APOBEC1: variants seen among roughly 807,000 people sequenced by gnomAD.
The protein encoded by APOBEC1 is C->U-editing enzyme APOBEC-1.
APOBEC1 carries 22 observed loss-of-function variants against 26.3 expected under a neutral mutation model. The ratio of observed to expected loss-of-function variants is 0.84; its 90% CI spans 0.60 to 1.19. The LOEUF (loss-of-function observed/expected upper bound fraction) is 1.19, where lower values mean the gene tolerates loss of function less well. Among genes scored for constraint, APOBEC1 ranks in the 50% most tolerant of loss-of-function variants. The probability of loss-of-function intolerance (pLI) is 0.00; values close to 1 mark genes in which losing one functional copy is unlikely to be tolerated. For missense variants in APOBEC1, 253 were observed against 289.0 expected (o/e 0.88, Z 0.90); for synonymous variants, 77 against 95.3 (o/e 0.81, Z 1.12).
chr12:7,650,984 T>G, intron 4 of APOBEC1, 39 bp downstream of exon 4: 1 of 1,436,618 alleles, frequency 7.0e-7, no homozygotes, highest in Non-Finnish European at 9.7e-7. Flanking sequence ...GAAGGATGCT[T>G]CTTTTTGCAT....
chr12:7,652,336 C>A, intron 3 of APOBEC1, 102 bp downstream of exon 3: 1 of 1,104,778 alleles, frequency 9.1e-7, no homozygotes, highest in Non-Finnish European at 1.3e-6. Context: ...ACTTTTACTT[C>A]TGAGACTTCC....
At chr12:7,665,298 C>CT (rs1044014913) in intron 1 of APOBEC1, among the ~76,000 whole-genome samples, 11 of 151,600 alleles carry the variant, frequency 7.3e-5, no homozygotes, top group Non-Finnish European at 1.3e-4. Flanking sequence ...TTTTACTTAA[C>CT]TTTTTTTTTA....
At chr12:7,669,760 G>C (rs1863931552), upstream of APOBEC1, among the ~76,000 whole-genome samples, 2 of 151,838 alleles carry the variant, frequency 1.3e-5, no homozygotes, top group African/African-American at 4.8e-5. Flanking sequence ...ATTTTCATCA[G>C]GTGTATAAGA....
upstream of APOBEC1, among the ~76,000 whole-genome samples, chr12:7,668,819 C>G (rs955469339): frequency 1.3e-5 from 2 of 152,112 alleles, no homozygotes; most frequent in African/African-American, 2.4e-5. Flanking sequence ...GCCTCAGCCC[C>G]CCGGGTTCAA....
chr12:7,666,584 C>T (rs952321834), upstream of APOBEC1, among the ~76,000 whole-genome samples: 5 of 151,992 alleles, frequency 3.3e-5, no homozygotes, highest in Admixed American at 6.6e-5. Context: ...CATGAGCCAC[C>T]GTGCCTAGCC....
intron 1 of APOBEC1, among the ~76,000 whole-genome samples, chr12:7,657,703 G>A (rs1015102): frequency 0.22 from 33,270 of 151,776 alleles, 3,762 homozygotes; most frequent in Middle Eastern, 0.27. Flanking sequence ...GGAAATTTCC[G>A]TCTCTACAAA....
chr12:7,651,063 C>G lies in APOBEC1; in HGVS notation c.521G>C (p.Trp174Ser). 6.2e-7 allele frequency: 1 copy of G among 1,614,142 alleles called. No individual in the cohort carries two copies. The highest frequency in any genetic ancestry group is 8.5e-7 in the Non-Finnish European group (1 of 1,179,986). The change falls in exon 4 of 5, where the codon TGG (tryptophan) becomes TCG (serine). Residue 174 changes from tryptophan (W) to serine (S), a missense_variant. Transcript: ENST00000229304. ...EAHWPQYPPLWMMLYALELHC... is the reference protein window; with the variant it reads ...EAHWPQYPPLSMMLYALELHC... ...CAGCTCCAGTGCGTACAACATCATC[C>G]ACAGAGGTGGGTATTGTGGCCAGTG... is the stretch of plus-strand genomic sequence containing the variant.
chr12:7,668,817 C>A (rs989042895), upstream of APOBEC1, among the ~76,000 whole-genome samples: 3 of 152,046 alleles, frequency 2.0e-5, no homozygotes, highest in African/African-American at 7.2e-5. Context: ...TAGCCTCAGC[C>A]CCCCGGGTTC....
At chr12:7,654,359 A>G (rs1432355723) in intron 2 of APOBEC1, among the ~76,000 whole-genome samples, 2 of 142,140 alleles carry the variant, frequency 1.4e-5, no homozygotes, top group Non-Finnish European at 3.0e-5. Context: ...AAAGAAAGCT[A>G]TATCCACAGT....
intron 1 of APOBEC1, among the ~76,000 whole-genome samples, chr12:7,664,552 A>C (rs1418750811): frequency 6.6e-6 from 1 of 152,152 alleles, no homozygotes; most frequent in Non-Finnish European, 1.5e-5. Flanking sequence ...GTCTCTATAA[A>C]AGCTTTTAAA....
upstream of APOBEC1, among the ~76,000 whole-genome samples, chr12:7,669,655 C>T (rs991175754): frequency 3.9e-5 from 6 of 152,240 alleles, no homozygotes; most frequent in Admixed American, 3.9e-4. Flanking sequence ...ATCCTCCTGC[C>T]TTGGCCTCCC....
chr12:7,666,051 A>G (rs2136860518), upstream of APOBEC1: 1 of 709,804 alleles, frequency 1.4e-6, no homozygotes, highest in South Asian at 1.5e-5. Flanking sequence ...ACTGAGAGGG[A>G]CATTATCGTG....
upstream of APOBEC1, among the ~76,000 whole-genome samples, chr12:7,667,858 G>A (rs188628019): frequency 1.3e-3 from 192 of 143,546 alleles, 2 homozygotes; most frequent in African/African-American, 4.9e-3. Flanking sequence ...TTTGCAGTTA[G>A]CCGAGATCTC....
intron 1 of APOBEC1, among the ~76,000 whole-genome samples, chr12:7,662,353 C>T (rs184856557): frequency 7.9e-5 from 12 of 152,064 alleles, no homozygotes; most frequent in African/African-American, 1.7e-4. Flanking sequence ...GAGGCCAAGG[C>T]GGGTGGATCA....
intron 2 of APOBEC1, among the ~76,000 whole-genome samples, chr12:7,653,769 A>C (rs1171063753): frequency 6.6e-6 from 1 of 152,176 alleles, no homozygotes; most frequent in Non-Finnish European, 1.5e-5. Flanking sequence ...GAACAGACAA[A>C]AGAGCAATTT....
chr12:7,650,938 G>T, intron 4 of APOBEC1, 85 bp downstream of exon 4: 1 of 937,086 alleles, frequency 1.1e-6, no homozygotes, highest in Non-Finnish European at 1.7e-6. Flanking sequence ...TCAAAAAGAA[G>T]ATATGAGTCA....
intron 2 of APOBEC1, among the ~76,000 whole-genome samples, chr12:7,654,052 T>C (rs1863681763): frequency 6.6e-6 from 1 of 152,200 alleles, no homozygotes; most frequent in Admixed American, 6.5e-5. Context: ...ATATATTCCT[T>C]AACATGACTT....
chr12:7,654,871 G>C (rs985749812), intron 1 of APOBEC1, among the ~76,000 whole-genome samples: 1 of 152,074 alleles, frequency 6.6e-6, no homozygotes, highest in African/African-American at 2.4e-5. Context: ...CTGCCTTAAG[G>C]CTTCAACAAA....
chr12:7,650,368 C>T (rs915416334), intron 4 of APOBEC1, among the ~76,000 whole-genome samples: 2 of 151,978 alleles, frequency 1.3e-5, no homozygotes, highest in Non-Finnish European at 2.9e-5. Flanking sequence ...TGTGATGGTG[C>T]CTGTGAATAG....
Sources: gnomAD v4.1 joint callset for allele counts (sites outside exome capture counted in the v4.1 genomes callset) on GRCh38, gnomAD v4.1.1 for gene constraint, MANE v1.5 for transcripts, NCBI Gene and HGNC (gene_info 2026-07-23, HGNC 2026-07-21) for gene names.